CARS1: variants seen among roughly 807,000 people sequenced by gnomAD.
The protein encoded by CARS1 is cysteinyl-tRNA synthetase 1, also known as cysteine--tRNA ligase, cytoplasmic.
CARS1 carries 48 observed loss-of-function variants against 106.2 expected under a neutral mutation model. The ratio of observed to expected loss-of-function variants is 0.45; its 90% CI spans 0.36 to 0.57. The LOEUF (loss-of-function observed/expected upper bound fraction) is 0.57, where lower values mean the gene tolerates loss of function less well. Among genes scored for constraint, CARS1 ranks in the 20% least tolerant of loss-of-function variants. The pLI is 0.00. For synonymous variants in CARS1, 409 were observed against 403.4 expected, an observed-to-expected ratio of 1.01 and a Z score of -0.17; for missense variants, 968 against 1,057.2, an observed-to-expected ratio of 0.92 and a Z score of 1.17.
chr11:3,017,636 T>C lies in CARS1; in HGVS notation c.1727+221A>G. On this transcript the variant is annotated intron_variant, in intron 15 of 22. Coordinates refer to ENST00000380525, the MANE Select transcript of CARS1 (RefSeq NM_001014437.3). The surrounding 1 kb of genome is among the most constrained non-coding windows in gnomAD (Gnocchi z 4.9). ...CCAGCCTGGGCAACAAGGGCGAAAC[T>C]CCGTCTCAAAAAGAAAAAACAAAAA... is the stretch of plus-strand genomic sequence containing the variant. 2 of 569,558 alleles carry C rather than the reference T, an allele frequency of 3.5e-6. No homozygotes were observed. Among genetic ancestry groups the C allele is most frequent in the Non-Finnish European group, 6.2e-6 (2 of 323,392 alleles). The allele number at this position is 569,558 out of a possible 1,614,324, so 35.3% of individuals were successfully genotyped here.
chr11:3,047,898 C>G lies in CARS1; in HGVS notation c.129G>C (p.Leu43=). 1 of 1,614,136 alleles carries G rather than the reference C, an allele frequency of 6.2e-7. No homozygotes were observed. Among genetic ancestry groups the G allele is most frequent in the Non-Finnish European group, 8.5e-7 (1 of 1,180,016 alleles). ...TGAACGCGTCCACGTCTGCCTGGGACAGTGAGTACCCCTGGACATAGCTAC... is the reference window on the plus strand; with the variant it reads ...TGAACGCGTCCACGTCTGCCTGGGAGAGTGAGTACCCCTGGACATAGCTAC... ...STRSYVQGYS[L]SQADVDAFRQ... is the part of the protein sequence containing the mutation. Residue 43 remains leucine, a synonymous_variant, in exon 2 of 23, where the codon CTG becomes CTC. Transcript: ENST00000380525.
At chr11:3,018,120 T>C (rs1424958221) in intron 14 of CARS1, 166 bp from the exon 15 acceptor site, 1 of 625,636 alleles carries the variant, frequency 1.6e-6, no homozygotes, top group Non-Finnish European at 2.8e-6. Context: ...GACAGAAACA[T>C]GCTCTTGCTT....
At position 3,041,251 on chromosome 11, in the gene CARS1, C is replaced by T; in HGVS notation, c.367-267G>A. ...TATGGAGGGAGGCGATAAAGGGAAT[C>T]AATGATTTTATTGATTGTTGAAATG... On this transcript the variant is annotated intron_variant, in intron 3 of 22. Coordinates refer to ENST00000380525, the MANE Select transcript of CARS1 (RefSeq NM_001014437.3). The surrounding 1 kb of genome is among the most constrained non-coding windows in gnomAD (Gnocchi z 4.9). The T allele has an allele frequency of 8.5e-6, 4 of 472,374 alleles. No homozygotes were observed. In the South Asian group the frequency reaches 1.1e-4, roughly 13 times the overall value. The allele number at this position is 472,374 out of a possible 1,614,324, so 29.3% of individuals were successfully genotyped here.
chr11:3,027,534 T>C (rs1227005226), intron 9 of CARS1: 1 of 189,442 alleles, frequency 5.3e-6, no homozygotes, highest in Non-Finnish European at 1.1e-5. Context: ...AGAATAGTTA[T>C]ACCAGATATA....
Position 3,029,053 on chromosome 11 carries a change from C to G in CARS1, c.974G>C (p.Ser325Thr). The G allele has an allele frequency of 6.2e-7, 1 of 1,613,946 alleles. No homozygotes were observed. The highest frequency in any genetic ancestry group is 8.5e-7 in the Non-Finnish European group (1 of 1,179,810). ...GTTCACAATTTCTGGCACATACTCA[C>G]TAACCCGGGTTAAGACATCTGGAGG... ...VLPPDVLTRV[S>T]EYVPEIVNFV... The change falls in exon 9 of 23, where the codon AGT becomes ACT. Residue 325 changes from serine (S) to threonine (T), a missense_variant. Coordinates refer to ENST00000380525, the MANE Select transcript of CARS1 (RefSeq NM_001014437.3). The surrounding 1 kb of genome is among the most constrained non-coding windows in gnomAD (Gnocchi z 5.9).
chr11:3,018,839 G>A (rs948595228), intron 12 of CARS1, 90 bp from the exon 13 acceptor site: 1 of 1,499,720 alleles, frequency 6.7e-7, no homozygotes. Context: ...TGTTGGTGCT[G>A]TCCACAGGCA....
In CARS1 at chr11:3,029,206, C is replaced by G; in HGVS notation, c.942+97G>C. 2 of 1,494,226 alleles carry G rather than the reference C, an allele frequency of 1.3e-6. No homozygotes were observed. The highest frequency in any genetic ancestry group is 1.7e-5 in the Admixed American group (1 of 58,210). 92.6% of individuals were successfully genotyped at this position (1,494,226 alleles called of 1,614,324 possible). A position where few individuals can be genotyped will look rare whatever the true frequency, so the allele number is the denominator to read the frequency against. ...CCCCTCAACTCAAGTTCAATGTTGA[C>G]TTGGCCGCTTAATTGAGCTGGCCTT... On this transcript the variant is annotated intron_variant, in intron 8 of 22. Transcript: ENST00000380525. The surrounding 1 kb of genome is among the most constrained non-coding windows in gnomAD (Gnocchi z 5.9).
intron 19 of CARS1, among the ~76,000 whole-genome samples, chr11:3,005,801 G>A (rs540595027): frequency 8.7e-4 from 132 of 152,104 alleles, no homozygotes; most frequent in African/African-American, 3.0e-3. Flanking sequence ...TAGTGGAGAC[G>A]GGGTTTCACC....
intron 20 of CARS1, 30 bp downstream of exon 20, chr11:3,005,336 T>C (rs1250341103): frequency 3.9e-6 from 6 of 1,520,738 alleles, no homozygotes; most frequent in Non-Finnish European, 5.5e-6. Context: ...TCAACAAATA[T>C]CACGCTTAAG....
chr11:3,027,921 C>T (rs369577496), intron 9 of CARS1: 1 of 450,700 alleles, frequency 2.2e-6, no homozygotes, highest in African/African-American at 2.0e-5. Context: ...TGCTCCTCCA[C>T]CTCTTGTGGA....
At chr11:3,001,801 G>C (rs1849424089) in intron 22 of CARS1, among the ~76,000 whole-genome samples, 169 bp downstream of exon 22, 1 of 152,230 alleles carries the variant, frequency 6.6e-6, no homozygotes, top group Non-Finnish European at 1.5e-5. Flanking sequence ...TGTGGAAGGA[G>C]CTCAGTAGTT....
At chr11:3,027,394 T>C (rs943403703) in intron 9 of CARS1, 1 of 155,076 alleles carries the variant, frequency 6.4e-6, no homozygotes, top group African/African-American at 2.4e-5. Flanking sequence ...AATCTGAGGC[T>C]GGACACAGTG....
intron 1 of CARS1, among the ~76,000 whole-genome samples, 190 bp downstream of exon 1, chr11:3,057,153 C>T (rs1032693434): frequency 6.6e-6 from 1 of 152,016 alleles, no homozygotes; most frequent in Admixed American, 6.6e-5. Context: ...CGTGCCGTCC[C>T]TCAGACCCCG....
chr11:3,025,237 T>C (rs1327952083), intron 10 of CARS1, among the ~76,000 whole-genome samples: 1 of 152,196 alleles, frequency 6.6e-6, no homozygotes, highest in Non-Finnish European at 1.5e-5. Context: ...TTTTATTATA[T>C]ATTTTTTTGA....
In CARS1 at chr11:3,039,212, A is replaced by T; in HGVS notation, c.633T>A (p.Asp211Glu). The change falls in exon 6 of 23, where the codon GAT (aspartate) becomes GAA (glutamate). Residue 211 changes from aspartate (D) to glutamate (E), a missense_variant. By Grantham distance (45) the Asp-to-Glu change is conservative (BLOSUM62 2). Coordinates refer to ENST00000380525, the MANE Select transcript of CARS1 (RefSeq NM_001014437.3). This position sits in a 1 kb window ranked among gnomAD's most constrained non-coding sequence, Gnocchi z 5.6. ...GGCCCACCTTCAGGGCGGCCTGAAC[A>T]TCCTCCAAGAGCTGTGCCGCTTCAG... The part of the protein sequence containing the change: ...KRPEAAQLLE[D>E]VQAALKPFSV... 6.2e-7 allele frequency: 1 copy of T among 1,612,638 alleles called. No homozygotes were observed.
At chr11:3,005,150 A>G (rs73425674) in intron 20 of CARS1, among the ~76,000 whole-genome samples, 15,547 of 151,396 alleles carry the variant, frequency 0.1, 946 homozygotes, top group African/African-American at 0.15. Flanking sequence ...CAGTTTGCCA[A>G]AAGTGACTGG....
At chr11:3,055,628 T>C (rs997348796) in intron 1 of CARS1, among the ~76,000 whole-genome samples, 2 of 152,198 alleles carry the variant, frequency 1.3e-5, no homozygotes, top group African/African-American at 2.4e-5. Flanking sequence ...CCAACCTATA[T>C]GGCAAGCTCC....
chr11:3,001,963 T>C lies in CARS1; in HGVS notation c.2361+7A>G, dbSNP rs1428321203. On this transcript the variant is annotated splice_region_variant and intron_variant, in intron 22 of 22. Coordinates refer to ENST00000380525, the MANE Select transcript of CARS1 (RefSeq NM_001014437.3). ...TGAATAGAAGAGAAGGATGCTTACA[T>C]GCTTACATTTTCATCAAACTTGGAG... 5.0e-6 allele frequency: 8 copies of C among 1,599,382 alleles called. No individual in the cohort carries two copies. The East Asian group carries it at 1.6e-4, about 31-fold the overall frequency.
At position 3,028,918 on chromosome 11, in the gene CARS1, C is replaced by A; in HGVS notation, c.1031+78G>T. ...CACCTGCTCCTCTGCTTCCCAAACT[C>A]AGGCTCAGAGCTGGGGAGCTCCTCC... On this transcript the variant is annotated intron_variant, in intron 9 of 22. Coordinates refer to ENST00000380525, the MANE Select transcript of CARS1 (RefSeq NM_001014437.3). The surrounding 1 kb of genome is among the most constrained non-coding windows in gnomAD (Gnocchi z 4.4). 1.0e-6 allele frequency: 1 copy of A among 995,018 alleles called. No individual in the cohort carries two copies. The highest frequency in any genetic ancestry group is 1.6e-6 in the Non-Finnish European group (1 of 628,610). 61.6% of individuals were successfully genotyped at this position (995,018 alleles called of 1,614,324 possible).
Sources: gnomAD v4.1 joint callset for allele counts (sites outside exome capture counted in the v4.1 genomes callset) on GRCh38, gnomAD v4.1.1 for gene constraint, Gnocchi (gnomAD v3.1) non-coding constraint, MANE v1.5 for transcripts, NCBI Gene and HGNC (gene_info 2026-07-23, HGNC 2026-07-21) for gene names.